CTRC: variants seen among roughly 807,000 people sequenced by gnomAD.
CTRC encodes chymotrypsin C, also known as chymotrypsin-C.
A neutral mutation model predicts 35.7 loss-of-function variants in CTRC; 32 were observed. The ratio of observed to expected loss-of-function variants is 0.90; its 90% CI spans 0.68 to 1.20. The LOEUF (loss-of-function observed/expected upper bound fraction) is 1.20, where lower values mean the gene tolerates loss of function less well. CTRC is among the 50% of genes most tolerant of loss of function. CTRC has a pLI of 0.00. For missense variants in CTRC, 324 were observed against 361.5 expected, an observed-to-expected ratio of 0.90 and a Z score of 0.84; for synonymous variants, 119 against 149.5, an observed-to-expected ratio of 0.80 and a Z score of 1.49.
rs766857870 is a variant in CTRC, at chr1:15,443,565, G to A, written c.493+10G>A. The A allele has an allele frequency of 1.3e-5, 21 of 1,614,040 alleles. No homozygotes were observed. Among genetic ancestry groups the A allele is most frequent in the South Asian group, 3.3e-5 (3 of 91,090 alleles). Reference sequence around the variant, plus strand: ...TGGGGCCGCCTCTGGAGTGAGTATCGTCCCTGGCAAATCCTGAGAGCCTTC... The same window carrying A: ...TGGGGCCGCCTCTGGAGTGAGTATCATCCCTGGCAAATCCTGAGAGCCTTC... On this transcript the variant is annotated intron_variant, in intron 5 of 7. Coordinates refer to ENST00000375949, the MANE Select transcript of CTRC (RefSeq NM_007272.3).
In CTRC at chr1:15,442,529, G is replaced by T; in HGVS notation, c.313G>T (p.Asp105Tyr). Residue 105 changes from aspartate (D) to tyrosine (Y), a missense_variant, in exon 4 of 8, where the codon GAC becomes TAC. Coordinates refer to ENST00000375949, the MANE Select transcript of CTRC (RefSeq NM_007272.3). ...DEEGSLFVGV[D>Y]TIHVHKRWNA... Reference sequence around the variant, plus strand: ...AGAAGGATCCCTGTTTGTGGGTGTGGACACCATCCACGTCCACAAGAGATG... The same window carrying T: ...AGAAGGATCCCTGTTTGTGGGTGTGTACACCATCCACGTCCACAAGAGATG... The T allele has an allele frequency of 1.2e-6, 2 of 1,614,094 alleles. No individual in the cohort carries two copies. The highest frequency in any genetic ancestry group is 2.7e-5 in the African/African-American group (2 of 75,026).
At chr1:15,445,526 A>G in intron 6 of CTRC, 71 bp from the exon 7 acceptor site, 1 of 1,550,380 alleles carries the variant, frequency 6.5e-7, no homozygotes, top group East Asian at 2.3e-5. Context: ...CCCCACCCCA[A>G]CCCAGTCCTG....
In CTRC at chr1:15,438,510, C is replaced by A. The variant is rs890047179; in HGVS notation, c.40+6C>A. On this transcript the variant is annotated splice_donor_region_variant and intron_variant, in intron 1 of 7. Coordinates refer to ENST00000375949, the MANE Select transcript of CTRC (RefSeq NM_007272.3). ...CGCTGCGCTCTTGGCCTGTGGTAAG[C>A]GGTGGGGTGGGGCTGCAGCTAGCAG... 6.2e-7 allele frequency: 1 copy of A among 1,613,866 alleles called. No homozygotes were observed.
chr1:15,446,548 C>A, intron 7 of CTRC, 27 bp from the exon 8 acceptor site: 1 of 1,613,964 alleles, frequency 6.2e-7, no homozygotes, highest in Non-Finnish European at 8.5e-7. Flanking sequence ...AGCCCTGAGT[C>A]TCTCACACTG....
chr1:15,442,537 C>T lies in CTRC; in HGVS notation c.321C>T (p.Ile107=). 1 of 1,614,138 alleles carries T rather than the reference C, an allele frequency of 6.2e-7. No homozygotes were observed. The highest frequency in any genetic ancestry group is 8.5e-7 in the Non-Finnish European group (1 of 1,180,000). The change falls in exon 4 of 8, where the codon ATC becomes ATT. Residue 107 remains isoleucine, a synonymous_variant. Coordinates refer to ENST00000375949, the MANE Select transcript of CTRC (RefSeq NM_007272.3). ...EGSLFVGVDT[I]HVHKRWNALL... Reference sequence around the variant, plus strand: ...CCCTGTTTGTGGGTGTGGACACCATCCACGTCCACAAGAGATGGAATGCCC... The same window carrying T: ...CCCTGTTTGTGGGTGTGGACACCATTCACGTCCACAAGAGATGGAATGCCC...
At chr1:15,442,370 G>T in intron 3 of CTRC, 77 bp from the exon 4 acceptor site, 1 of 1,538,246 alleles carries the variant, frequency 6.5e-7, no homozygotes, top group Non-Finnish European at 8.8e-7. Context: ...TCCCACTAAA[G>T]CCCCGAGCTC....
chr1:15,446,901 G>C lies in CTRC; in HGVS notation c.*312G>C, dbSNP rs904260692. The C allele has an allele frequency of 2.0e-6, 1 of 509,684 alleles. No individual in the cohort carries two copies. Among genetic ancestry groups the C allele is most frequent in the African/African-American group, 1.9e-5 (1 of 51,618 alleles). 31.6% of individuals were successfully genotyped at this position (509,684 alleles called of 1,614,324 possible). On this transcript the variant is annotated 3_prime_UTR_variant, in exon 8 of 8. Transcript: ENST00000375949. The stretch of plus-strand genomic sequence containing the variant: ...GAAGCCGGAGGGGATGGGAGTGAAG[G>C]ACGCATCAGACACCTTCCCCGCTCC...
intron 4 of CTRC, among the ~76,000 whole-genome samples, chr1:15,442,888 T>C (rs2103291062): frequency 6.6e-6 from 1 of 152,246 alleles, no homozygotes; most frequent in Non-Finnish European, 1.5e-5. Flanking sequence ...ACACTTTATA[T>C]GCCATCTGTT....
At chr1:15,439,136 G>C (rs1708084157) in intron 1 of CTRC, among the ~76,000 whole-genome samples, 1 of 152,046 alleles carries the variant, frequency 6.6e-6, no homozygotes, top group Non-Finnish European at 1.5e-5. Flanking sequence ...TTAAGAGGTA[G>C]GGTCTATTGC....
intron 3 of CTRC, among the ~76,000 whole-genome samples, chr1:15,441,694 C>CTT (rs769249738): frequency 7.0e-6 from 1 of 142,996 alleles, no homozygotes; most frequent in Non-Finnish European, 1.5e-5. Context: ...TTCATATACA[C>CTT]TTTTTTTTTT....
intron 1 of CTRC, among the ~76,000 whole-genome samples, chr1:15,439,490 TGAG>T (rs1483388707): frequency 1.3e-5 from 2 of 151,420 alleles, no homozygotes; most frequent in African/African-American, 4.9e-5. Flanking sequence ...ATTTTACAGA[TGAG>T]GACATCGAGG....
At chr1:15,444,435 C>T (rs1026692017) in intron 5 of CTRC, among the ~76,000 whole-genome samples, 171 bp from the exon 6 acceptor site, 2 of 151,746 alleles carry the variant, frequency 1.3e-5, no homozygotes, top group Non-Finnish European at 2.9e-5. Context: ...TGCTCCTGAC[C>T]CTCTGGGACC....
intron 1 of CTRC, among the ~76,000 whole-genome samples, 178 bp from the exon 2 acceptor site, chr1:15,440,122 A>G (rs117858254): frequency 6.6e-6 from 1 of 152,170 alleles, no homozygotes; most frequent in African/African-American, 2.4e-5. Context: ...CACATTTCAC[A>G]GAAAGGGAAA....
rs1004516668 is a variant in CTRC, at chr1:15,446,934, A to G, written c.*345A>G. On this transcript the variant is annotated 3_prime_UTR_variant, in exon 8 of 8. Coordinates refer to ENST00000375949, the MANE Select transcript of CTRC (RefSeq NM_007272.3). ...AGACACCTTCCCCGCTCCATCTCAC[A>G]AGCTGCGAACAGGTGAGACCCTGAT... 8 of 436,316 alleles carry G rather than the reference A, an allele frequency of 1.8e-5. No homozygotes were observed. The highest frequency in any genetic ancestry group is 1.4e-3 in the Middle Eastern group (2 of 1,442). The allele number at this position is 436,316 out of a possible 1,614,324, so 27.0% of individuals were successfully genotyped here.
intron 7 of CTRC, among the ~76,000 whole-genome samples, chr1:15,445,993 CTCAT>C (rs1441527699): frequency 9.0e-5 from 12 of 132,868 alleles, no homozygotes; most frequent in Non-Finnish European, 1.6e-4. Flanking sequence ...TATTCATTCA[CTCAT>C]TCATGTATTC....
At chr1:15,442,379 T>C in intron 3 of CTRC, 68 bp from the exon 4 acceptor site, 2 of 1,555,544 alleles carry the variant, frequency 1.3e-6, no homozygotes, top group Non-Finnish European at 1.7e-6. Context: ...AGCCCCGAGC[T>C]CCCTCTCTAT....
At chr1:15,446,521 A>G in intron 7 of CTRC, 54 bp from the exon 8 acceptor site, 1 of 1,583,452 alleles carries the variant, frequency 6.3e-7, no homozygotes, top group East Asian at 2.3e-5. Context: ...GCCCTGTGCC[A>G]CCCTAGAAGG....
chr1:15,440,954 C>T (rs765840150), intron 3 of CTRC, among the ~76,000 whole-genome samples: 3 of 152,120 alleles, frequency 2.0e-5, no homozygotes, highest in Non-Finnish European at 2.9e-5. Flanking sequence ...CCGACGCAGG[C>T]GGATCACCTG....
At chr1:15,440,233 C>CCCCCCCCCCA in intron 1 of CTRC, 67 bp from the exon 2 acceptor site, 1 of 671,384 alleles carries the variant, frequency 1.5e-6, no homozygotes, top group East Asian at 3.0e-5. Flanking sequence ...CCTGCCCACC[C>CCCCCCCCCCA]TCCCACCCCT....
Sources: allele counts gnomAD v4.1 joint callset (sites outside exome capture counted in the v4.1 genomes callset), GRCh38; gene constraint gnomAD v4.1.1; transcripts MANE v1.5; gene names NCBI Gene and HGNC (gene_info 2026-07-23, HGNC 2026-07-21).